Variants in ZFAT observed in about 807,000 individuals in gnomAD.
ZFAT encodes zinc finger and AT-hook domain containing.
ZFAT carries 64 observed loss-of-function variants against 117.7 expected under a neutral mutation model. That is an observed-to-expected ratio of 0.54 (90% CI 0.44 to 0.67). The LOEUF (loss-of-function observed/expected upper bound fraction) is 0.67. Ranked by LOEUF, ZFAT falls within the 30% of genes least tolerant of loss-of-function variation. ZFAT has a pLI of 0.00. For synonymous variants in ZFAT, 679 were observed against 615.0 expected (o/e 1.10, Z -1.54); for missense variants, 1,433 against 1,584.5 (o/e 0.90, Z 1.62).
At chr8:134,710,747 T>A (rs1370218497) in intron 1 of ZFAT, among the ~76,000 whole-genome samples, 1 of 152,250 alleles carries the variant, frequency 6.6e-6, no homozygotes, top group Non-Finnish European at 1.5e-5. Flanking sequence ...ACAATATTTT[T>A]AATTTTGATC....
the ZFAT span, among the ~76,000 whole-genome samples, chr8:134,825,399 T>G: frequency 6.6e-6 from 1 of 152,192 alleles, no homozygotes; most frequent in African/African-American, 2.4e-5. Flanking sequence ...ACACAATCAC[T>G]CAGTCTTAAG....
chr8:134,648,889 A>C (rs2131162287), intron 2 of ZFAT, among the ~76,000 whole-genome samples: 1 of 152,226 alleles, frequency 6.6e-6, no homozygotes, highest in Admixed American at 6.5e-5. Flanking sequence ...AATACTAGGA[A>C]ACTGAATCCA....
chr8:134,726,421 A>T, the ZFAT span, among the ~76,000 whole-genome samples: 1 of 152,206 alleles, frequency 6.6e-6, no homozygotes, highest in Non-Finnish European at 1.5e-5. Context: ...AATTGTGCAC[A>T]TGCTCACTTG....
intron 2 of ZFAT, among the ~76,000 whole-genome samples, chr8:134,654,970 G>A (rs1831502725): frequency 6.6e-6 from 1 of 152,158 alleles, no homozygotes; most frequent in African/African-American, 2.4e-5. Context: ...AGCCCCACTT[G>A]GGACCAAAAA....
chr8:134,517,887 T>A (rs1820365350), intron 13 of ZFAT, among the ~76,000 whole-genome samples: 1 of 152,224 alleles, frequency 6.6e-6, no homozygotes, highest in Non-Finnish European at 1.5e-5. Flanking sequence ...TGTCTTCTCA[T>A]CTGATCACAT....
At chr8:134,656,330 G>A (rs1435234141) in intron 2 of ZFAT, among the ~76,000 whole-genome samples, 2 of 152,322 alleles carry the variant, frequency 1.3e-5, no homozygotes, top group Middle Eastern at 3.4e-3. Context: ...GGACAGGTCT[G>A]CTCACAAGGC....
chr8:134,757,048 C>T, the ZFAT span, among the ~76,000 whole-genome samples: 2,070 of 126,622 alleles, frequency 0.016, 52 homozygotes, highest in African/African-American at 0.058. Flanking sequence ...CAAAGTCTCA[C>T]TCCTGTCGCC....
chr8:134,774,082 G>C, the ZFAT span, among the ~76,000 whole-genome samples: 1 of 133,906 alleles, frequency 7.5e-6, no homozygotes, highest in African/African-American at 2.9e-5. Context: ...TGCAACCTCT[G>C]CTTCCCGGGT....
At chr8:134,817,394 TACACACA>T in the ZFAT span, among the ~76,000 whole-genome samples, 143 of 126,070 alleles carry the variant, frequency 1.1e-3, 1 homozygote, top group African/African-American at 3.9e-3. Flanking sequence ...TCTCTCTCTC[TACACACA>T]CACACACACA....
At chr8:134,482,232 A>G (rs984650597) in intron 15 of ZFAT, among the ~76,000 whole-genome samples, 27 of 152,150 alleles carry the variant, frequency 1.8e-4, no homozygotes, top group African/African-American at 6.3e-4. Context: ...CCTGAGCTCC[A>G]GATCATACCT....
At chr8:134,748,961 C>T in the ZFAT span, among the ~76,000 whole-genome samples, 1 of 151,418 alleles carries the variant, frequency 6.6e-6, no homozygotes, top group African/African-American at 2.4e-5. Flanking sequence ...TATGCTAGCC[C>T]TTTTAACCTA....
chr8:134,788,464 T>A, the ZFAT span, among the ~76,000 whole-genome samples: 1 of 152,170 alleles, frequency 6.6e-6, no homozygotes, highest in Non-Finnish European at 1.5e-5. Flanking sequence ...TCCACTGTGT[T>A]AGAGAATGTA....
At chr8:134,831,340 G>C in the ZFAT span, among the ~76,000 whole-genome samples, 2 of 152,204 alleles carry the variant, frequency 1.3e-5, no homozygotes, top group African/African-American at 4.8e-5. Flanking sequence ...AAATCAAGCA[G>C]TTCCCTCTCT....
At chr8:134,578,376 A>ACT (rs1223251507) in intron 10 of ZFAT, among the ~76,000 whole-genome samples, 3 of 144,832 alleles carry the variant, frequency 2.1e-5, no homozygotes, top group Non-Finnish European at 3.0e-5. Context: ...GCACCACTGC[A>ACT]CTCCAGCCTG....
chr8:134,528,022 T>C (rs985947104), intron 12 of ZFAT, among the ~76,000 whole-genome samples: 2 of 152,244 alleles, frequency 1.3e-5, no homozygotes, highest in African/African-American at 4.8e-5. Flanking sequence ...TGTGTGACTT[T>C]TCCACCAACT....
intron 15 of ZFAT, among the ~76,000 whole-genome samples, chr8:134,487,441 G>A (rs183284347): frequency 6.6e-6 from 1 of 152,268 alleles, no homozygotes; most frequent in African/African-American, 2.4e-5. Context: ...AGAAGGGGTG[G>A]CTCAGAGAGT....
At chr8:134,800,095 C>T in the ZFAT span, among the ~76,000 whole-genome samples, 12 of 152,270 alleles carry the variant, frequency 7.9e-5, no homozygotes, top group South Asian at 2.5e-3. Flanking sequence ...AAAGCCCATG[C>T]TTGTTAAAGC....
intron 1 of ZFAT, 26 bp downstream of exon 1, chr8:134,712,818 CT>C: frequency 4.1e-6 from 3 of 735,286 alleles, no homozygotes; most frequent in Non-Finnish European, 6.3e-6. Context: ...CCCACCCCGT[CT>C]CACCCCAACC....
chr8:134,798,474 T>C, the ZFAT span, among the ~76,000 whole-genome samples: 14 of 152,100 alleles, frequency 9.2e-5, no homozygotes, highest in Non-Finnish European at 1.6e-4. Flanking sequence ...CTAATAAATA[T>C]ACAGTGTTTT....
Sources: allele counts gnomAD v4.1 joint callset (sites outside exome capture counted in the v4.1 genomes callset), GRCh38; gene constraint gnomAD v4.1.1; transcripts MANE v1.5; gene names NCBI Gene and HGNC (gene_info 2026-07-23, HGNC 2026-07-21).